Variants in RAB3GAP2 observed in about 807,000 individuals in gnomAD.
RAB3GAP2 encodes RAB3 GTPase activating non-catalytic protein subunit 2.
Under a neutral mutation model 185.3 loss-of-function variants are expected in RAB3GAP2, and 87 were observed. That is an observed-to-expected ratio of 0.47 (90% CI 0.39 to 0.56). The LOEUF (loss-of-function observed/expected upper bound fraction) is 0.56, where lower values mean the gene tolerates loss of function less well. Among genes scored for constraint, RAB3GAP2 ranks in the 20% least tolerant of loss-of-function variants. The probability of loss-of-function intolerance (pLI) is 0.00; values close to 1 mark genes in which losing one functional copy is unlikely to be tolerated. For missense variants in RAB3GAP2, 1,492 were observed against 1,638.2 expected (o/e 0.91, Z 1.54); for synonymous variants, 554 against 576.1 (o/e 0.96, Z 0.55).
intron 21 of RAB3GAP2, among the ~76,000 whole-genome samples, chr1:220,175,811 C>CTAA (rs1447139795): frequency 2.6e-5 from 4 of 152,178 alleles, no homozygotes; most frequent in Admixed American, 2.6e-4. Flanking sequence ...CCTAGGTTAC[C>CTAA]TCCTTCTATT....
At chr1:220,224,067 A>G (rs1374373601) in intron 2 of RAB3GAP2, among the ~76,000 whole-genome samples, 1 of 152,060 alleles carries the variant, frequency 6.6e-6, no homozygotes, top group Non-Finnish European at 1.5e-5. Context: ...TTCTGATGGA[A>G]TAAGGCTAGC....
chr1:220,174,408 T>C (rs926170569), intron 21 of RAB3GAP2, among the ~76,000 whole-genome samples: 6 of 152,120 alleles, frequency 3.9e-5, no homozygotes, highest in South Asian at 2.1e-4. Flanking sequence ...TGTGGGTACA[T>C]AGTAGGTAGG....
chr1:220,195,170 GAAAA>G lies in RAB3GAP2; in HGVS notation c.1041-7_1041-4del. 6.2e-7 allele frequency: 1 copy of G among 1,613,940 alleles called. No individual in the cohort carries two copies. Among genetic ancestry groups the G allele is most frequent in the Non-Finnish European group, 8.5e-7 (1 of 1,179,882 alleles). ...TACTTTTCCAACCAAGCCAACCACTGAAAAGAAAGAAAACTTAGAATATAAAACT... is the reference window on the plus strand; with the variant it reads ...TACTTTTCCAACCAAGCCAACCACTGGAAAGAAAACTTAGAATATAAAACT... On this transcript the variant is annotated splice_region_variant and splice_polypyrimidine_tract_variant and intron_variant, in intron 11 of 34. Transcript: ENST00000358951.
chr1:220,169,468 T>C (rs1434200813), intron 24 of RAB3GAP2, among the ~76,000 whole-genome samples: 1 of 152,196 alleles, frequency 6.6e-6, no homozygotes, highest in East Asian at 1.9e-4. Context: ...AAAGGTTTCC[T>C]GGAGGAGAAG....
In RAB3GAP2 at chr1:220,148,981, A is replaced by G. The variant is rs1269911764; in HGVS notation, c.*2270T>C. ...GTGTGAGGGTGGGCATATATCTAGGAAAACACTACTGGTTACTGGCTTCTC... is the reference window on the plus strand; with the variant it reads ...GTGTGAGGGTGGGCATATATCTAGGGAAACACTACTGGTTACTGGCTTCTC... On this transcript the variant is annotated 3_prime_UTR_variant, in exon 35 of 35. Coordinates refer to ENST00000358951, the MANE Select transcript of RAB3GAP2 (RefSeq NM_012414.4). 6.6e-6 allele frequency: 1 copy of G among 152,200 alleles called. No homozygotes were observed. The highest frequency in any genetic ancestry group is 1.5e-5 in the Non-Finnish European group (1 of 68,034). The allele number at this position is 152,200 out of a possible 1,614,324, so 9.4% of individuals were successfully genotyped here.
intron 4 of RAB3GAP2, among the ~76,000 whole-genome samples, chr1:220,212,104 G>A (rs1174901526): frequency 6.6e-6 from 1 of 152,102 alleles, no homozygotes; most frequent in Non-Finnish European, 1.5e-5. Flanking sequence ...CACCATACTG[G>A]ATATCATGGT....
chr1:220,213,099 CT>C, intron 3 of RAB3GAP2, 131 bp from the exon 4 acceptor site: 1 of 613,176 alleles, frequency 1.6e-6, no homozygotes, highest in Non-Finnish European at 2.8e-6. Flanking sequence ...TGACTTGGGT[CT>C]TTTTTATAGG....
intron 21 of RAB3GAP2, among the ~76,000 whole-genome samples, chr1:220,178,847 T>G (rs1658344855): frequency 6.6e-6 from 1 of 150,880 alleles, no homozygotes; most frequent in South Asian, 2.1e-4. Context: ...AGACACAGAG[T>G]GAGCTGGGCA....
chr1:220,185,713 C>T lies in RAB3GAP2; in HGVS notation c.1808G>A (p.Arg603His), dbSNP rs745677533. 1.9e-5 allele frequency: 31 copies of T among 1,612,164 alleles called. No individual in the cohort carries two copies. Among genetic ancestry groups the T allele is most frequent in the Admixed American group, 3.3e-5 (2 of 59,902 alleles). Residue 603 changes from arginine to histidine, a missense_variant, in exon 18 of 35, where the codon CGT becomes CAT. By Grantham distance (29) the Arg-to-His change is conservative (BLOSUM62 0). Around this residue, in one of 5 missense-constraint regions of RAB3GAP2, gnomAD observed 681 missense variants for 689.1 expected, o/e 0.99. Coordinates refer to ENST00000358951, the MANE Select transcript of RAB3GAP2 (RefSeq NM_012414.4). ...GTTTCTAAGGCAAGAAAATGGTAAACGTTCACTTGCCAAAATGCTTTCCAA... is the reference window on the plus strand; with the variant it reads ...GTTTCTAAGGCAAGAAAATGGTAAATGTTCACTTGCCAAAATGCTTTCCAA... ...QALESILASE[R>H]LPFSCLRNIT...
At chr1:220,247,307 C>T (rs1388274186) in intron 1 of RAB3GAP2, among the ~76,000 whole-genome samples, 1 of 152,118 alleles carries the variant, frequency 6.6e-6, no homozygotes, top group Non-Finnish European at 1.5e-5. Context: ...CATGCACACA[C>T]GTTTATAGCA....
chr1:220,155,454 AG>A (rs1657840672), intron 31 of RAB3GAP2, among the ~76,000 whole-genome samples: 1 of 152,228 alleles, frequency 6.6e-6, no homozygotes, highest in South Asian at 2.1e-4. Flanking sequence ...AAGTATTTAA[AG>A]ATTTAGCATA....
intron 21 of RAB3GAP2, among the ~76,000 whole-genome samples, chr1:220,179,244 CAAAAAA>C (rs71169437): frequency 1.8e-5 from 1 of 56,834 alleles, no homozygotes. Flanking sequence ...GAGACTGTCT[CAAAAAA>C]AAAAAAAAAA....
intron 19 of RAB3GAP2, among the ~76,000 whole-genome samples, chr1:220,183,524 G>A (rs923555093): frequency 1.6e-4 from 24 of 151,904 alleles, no homozygotes; most frequent in African/African-American, 5.8e-4. Context: ...AAGTGTTAAG[G>A]TTACAGGTGC....
rs1180783176 is a variant in RAB3GAP2 at position 220,184,061 on chromosome 1, T to C, written c.1973A>G (p.His658Arg). ...SVSQLNSLDF[H>R]LDTPFSDNDL... The stretch of plus-strand genomic sequence containing the variant: ...ATTATCAGAGAATGGTGTGTCTAAA[T>C]GAAAATCAAGGGAATTTAATTGACT... The change falls in exon 19 of 35, where the codon CAT becomes CGT. Residue 658 changes from histidine (H) to arginine (R), a missense_variant. By Grantham distance (29) the His-to-Arg change is conservative (BLOSUM62 0). Transcript: ENST00000358951. 3 of 1,589,282 alleles carry C rather than the reference T, an allele frequency of 1.9e-6. No homozygotes were observed. The highest frequency in any genetic ancestry group is 2.2e-5 in the South Asian group (2 of 90,242).
intron 1 of RAB3GAP2, among the ~76,000 whole-genome samples, chr1:220,247,635 A>G (rs1338746067): frequency 6.6e-6 from 1 of 152,192 alleles, no homozygotes; most frequent in Non-Finnish European, 1.5e-5. Context: ...AAAAGACTAC[A>G]TATTGGGTAC....
chr1:220,229,748 G>T (rs1311330662), intron 2 of RAB3GAP2, among the ~76,000 whole-genome samples: 2 of 152,176 alleles, frequency 1.3e-5, no homozygotes, highest in Non-Finnish European at 2.9e-5. Flanking sequence ...CTCAGCACCA[G>T]CACTATTCTA....
Position 220,171,076 on chromosome 1 carries a change from A to G in RAB3GAP2, c.2622T>C (p.Asp874=), listed in dbSNP as rs755433822. The change falls in exon 24 of 35, where the codon GAT becomes GAC. Residue 874 remains aspartate (D), a synonymous_variant. Coordinates refer to ENST00000358951, the MANE Select transcript of RAB3GAP2 (RefSeq NM_012414.4). ...VLGADSEALT[D]SWEALSLDTE... The stretch of plus-strand genomic sequence containing the variant: ...TGTCAAGAGAAAGTGCCTCCCAGGA[A>G]TCAGTGAGGGCCTCTGAATCAGCAC... 1.9e-6 allele frequency: 3 copies of G among 1,614,068 alleles called. No homozygotes were observed. In the South Asian group the frequency reaches 3.3e-5, roughly 18 times the overall value.
chr1:220,253,859 A>G, intron 1 of RAB3GAP2: 1 of 1,613,098 alleles, frequency 6.2e-7, no homozygotes, highest in Non-Finnish European at 8.5e-7. Flanking sequence ...CCAGGAAAGA[A>G]GACATCTGGT....
At chr1:220,174,033 AAAAAAGAAAAGAAAAG>A (rs1658230966) in intron 21 of RAB3GAP2, among the ~76,000 whole-genome samples, 1 of 151,350 alleles carries the variant, frequency 6.6e-6, no homozygotes, top group Non-Finnish European at 1.5e-5. Context: ...AAAAAAAAAA[AAAAAAGAAAAGAAAAG>A]AACTAAAATT....
Sources: allele counts gnomAD v4.1 joint callset (sites outside exome capture counted in the v4.1 genomes callset), GRCh38; gene constraint gnomAD v4.1.1; regional missense constraint gnomAD v4.1.1; transcripts MANE v1.5; gene names NCBI Gene and HGNC (gene_info 2026-07-23, HGNC 2026-07-21).